Variants in SSH1 observed in about 807,000 individuals in gnomAD.
SSH1 encodes slingshot protein phosphatase 1.
Under a neutral mutation model 79.7 loss-of-function variants are expected in SSH1, and 43 were observed. The ratio of observed to expected loss-of-function variants is 0.54; its 90% CI spans 0.42 to 0.70. The LOEUF is 0.70. SSH1 is among the 30% of genes least tolerant of loss of function. SSH1 has a pLI of 0.00. For missense variants in SSH1, 1,206 were observed against 1,358.8 expected, an observed-to-expected ratio of 0.89 and a Z score of 1.77; for synonymous variants, 599 against 538.3, an observed-to-expected ratio of 1.11 and a Z score of -1.56.
At position 108,799,090 on chromosome 12, in the gene SSH1, T is replaced by G; in HGVS notation, c.1259A>C (p.Tyr420Ser). ...KEFGWPLEKA[Y>S]NYVKQKRSIT... ...GCTGCGCTTCTGCTTTACATAGTTA[T>G]ATGCTTTTTCCAGAGGCCAGCCGAA... Residue 420 changes from tyrosine (Y) to serine (S), a missense_variant, in exon 13 of 15, where the codon TAT becomes TCT. Physicochemically the swap from Tyr to Ser is moderately radical, Grantham distance 144 (BLOSUM62 -2). Transcript: ENST00000326495. 6.2e-7 allele frequency: 1 copy of G among 1,614,236 alleles called. No individual in the cohort carries two copies. The highest frequency in any genetic ancestry group is 8.5e-7 in the Non-Finnish European group (1 of 1,180,048).
rs146534259 is a variant in SSH1, at chr12:108,828,965, C to G, written c.111-5604G>C. Among the ~76,000 whole-genome samples the G allele has an allele frequency of 3.3e-3, 509 of 152,292 alleles. 2 individuals are homozygous for G. Among genetic ancestry groups the G allele is most frequent in the African/African-American group, 0.012 (484 of 41,562 alleles). Reference sequence around the variant, plus strand: ...ATGACAAACGAAGGAAGCCCGTCAACAATTCCAAAATAGAATCACCAGGGA... The same window carrying G: ...ATGACAAACGAAGGAAGCCCGTCAAGAATTCCAAAATAGAATCACCAGGGA... On this transcript the variant is annotated intron_variant, in intron 2 of 14. Coordinates refer to ENST00000326495, the MANE Select transcript of SSH1 (RefSeq NM_018984.4).
At chr12:108,791,496 A>G (rs943902302) in intron 14 of SSH1, among the ~76,000 whole-genome samples, 1 of 152,200 alleles carries the variant, frequency 6.6e-6, no homozygotes, top group African/African-American at 2.4e-5. Flanking sequence ...TCTGAGGCCA[A>G]GCGTGGTGAC....
chr12:108,787,939 G>A lies in SSH1; in HGVS notation c.*49C>T. 6.2e-7 allele frequency: 1 copy of A among 1,608,712 alleles called. No homozygotes were observed. The highest frequency in any genetic ancestry group is 8.5e-7 in the Non-Finnish European group (1 of 1,175,490). On this transcript the variant is annotated 3_prime_UTR_variant, in exon 15 of 15. Coordinates refer to ENST00000326495, the MANE Select transcript of SSH1 (RefSeq NM_018984.4). The stretch of plus-strand genomic sequence containing the variant: ...ATCCAAATCCACAGTGAAAGTGAGG[G>A]AGGGATCATATGAAAATATCCGCCC...
Position 108,800,767 on chromosome 12 carries a change from T to G in SSH1, c.1148+13A>C, listed in dbSNP as rs190531493. 5.4e-4 allele frequency: 863 copies of G among 1,611,900 alleles called. 1 individual carries two copies. The African/African-American group carries it at 0.011, about 21-fold the overall frequency. ...TTGGTTTCATCCTCAGCCCCGCCTC[T>G]CTGTCCACTTACTTCGCTTTGTTTA... On this transcript the variant is annotated intron_variant, in intron 12 of 14. Coordinates refer to ENST00000326495, the MANE Select transcript of SSH1 (RefSeq NM_018984.4).
intron 1 of SSH1, chr12:108,853,381 G>T: frequency 1.0e-6 from 1 of 983,056 alleles, no homozygotes; most frequent in Non-Finnish European, 1.2e-6. Context: ...AAATAAGAAG[G>T]AAACACATAC....
chr12:108,818,216 A>AT (rs761772191), intron 4 of SSH1, 33 bp downstream of exon 4: 5 of 1,605,308 alleles, frequency 3.1e-6, no homozygotes, highest in Admixed American at 1.7e-5. Flanking sequence ...TTAAAAAAAA[A>AT]TTTTTTAACT....
intron 2 of SSH1, among the ~76,000 whole-genome samples, chr12:108,844,759 A>G (rs1407845288): frequency 6.6e-6 from 1 of 152,208 alleles, no homozygotes; most frequent in Non-Finnish European, 1.5e-5. Context: ...CTACAGAAGC[A>G]GACTCTCCTG....
rs553757027 is a variant in SSH1 at position 108,816,869 on chromosome 12, A to AGG, written c.401+168_401+169insCC. On this transcript the variant is annotated intron_variant, in intron 5 of 14. Transcript: ENST00000326495. ...CTGGAGCTGGCACGGTGCCTGGCAC[A>AGG]GAGAGCTGAAATGGCACACCCTAGT... Among the ~76,000 whole-genome samples, 453 of 152,338 alleles carry AGG rather than the reference A, an allele frequency of 3.0e-3. 2 individuals carry two copies. The highest frequency in any genetic ancestry group is 0.01 in the African/African-American group (431 of 41,582).
At chr12:108,789,357 G>A (rs938443423) in intron 14 of SSH1, 113 bp from the exon 15 acceptor site, 2 of 1,105,546 alleles carry the variant, frequency 1.8e-6, no homozygotes, top group Non-Finnish European at 2.6e-6. Context: ...GCCAGGCCTG[G>A]AGGGGAGGCT....
intron 5 of SSH1, among the ~76,000 whole-genome samples, chr12:108,812,619 T>C (rs1192752024): frequency 1.3e-5 from 2 of 152,192 alleles, no homozygotes; most frequent in Non-Finnish European, 2.9e-5. Context: ...ATGTGGAACC[T>C]AAGCCCCTAG....
At chr12:108,801,082 T>G (rs1450463364) in intron 11 of SSH1, among the ~76,000 whole-genome samples, 156 bp from the exon 12 acceptor site, 1 of 152,184 alleles carries the variant, frequency 6.6e-6, no homozygotes, top group Non-Finnish European at 1.5e-5. Flanking sequence ...ATAGCTATGT[T>G]TTTTGGTATT....
chr12:108,801,494 A>G (rs969885923), intron 11 of SSH1, among the ~76,000 whole-genome samples: 2 of 152,236 alleles, frequency 1.3e-5, no homozygotes, highest in African/African-American at 4.8e-5. Flanking sequence ...AATAGGTTTC[A>G]TAATATTTAG....
Position 108,785,016 on chromosome 12 carries a change from G to A in SSH1, c.*2972C>T, listed in dbSNP as rs572142409. Reference sequence around the variant, plus strand: ...GCATACAAAGCAAGGGCCAAGCTATGGCATATGTTACAGTGCAAACTTCCT... The same window carrying A: ...GCATACAAAGCAAGGGCCAAGCTATAGCATATGTTACAGTGCAAACTTCCT... On this transcript the variant is annotated 3_prime_UTR_variant, in exon 15 of 15. Transcript: ENST00000326495. The A allele has an allele frequency of 1.3e-5, 2 of 152,332 alleles. No individual in the cohort carries two copies. The highest frequency in any genetic ancestry group is 4.8e-5 in the African/African-American group (2 of 41,556). The allele number at this position is 152,332 out of a possible 1,614,324, so 9.4% of individuals were successfully genotyped here.
chr12:108,839,424 G>A (rs977101862), intron 2 of SSH1, among the ~76,000 whole-genome samples: 1 of 152,188 alleles, frequency 6.6e-6, no homozygotes, highest in African/African-American at 2.4e-5. Context: ...CTGGGGAAGT[G>A]ACAAGTGATT....
intron 2 of SSH1, among the ~76,000 whole-genome samples, chr12:108,840,541 A>G (rs1322470118): frequency 6.6e-6 from 1 of 150,580 alleles, no homozygotes; most frequent in East Asian, 1.9e-4. Flanking sequence ...AAAAAAAAGA[A>G]AAAAAAAAAG....
intron 1 of SSH1, among the ~76,000 whole-genome samples, chr12:108,853,544 G>A (rs913058058): frequency 6.6e-6 from 1 of 152,070 alleles, no homozygotes; most frequent in African/African-American, 2.4e-5. Flanking sequence ...AGGAGCCAAG[G>A]GCGAAGGAAA....
rs1260656021 is a variant in SSH1, at chr12:108,783,488, TCTC to T, written c.*4497_*4499del. On this transcript the variant is annotated 3_prime_UTR_variant, in exon 15 of 15. Transcript: ENST00000326495. Reference sequence around the variant, plus strand: ...GAAAAGAGGGAGGAAGCAGCTATCTTCTCATGCAGCAAGGCCGACAGGAAGGAC... The same window carrying T: ...GAAAAGAGGGAGGAAGCAGCTATCTTATGCAGCAAGGCCGACAGGAAGGAC... 1.3e-5 allele frequency: 2 copies of T among 152,204 alleles called. No individual in the cohort carries two copies. Among genetic ancestry groups the T allele is most frequent in the African/African-American group, 4.8e-5 (2 of 41,442 alleles). 9.4% of individuals were successfully genotyped at this position (152,204 alleles called of 1,614,324 possible). A position where few individuals can be genotyped will look rare whatever the true frequency, so the allele number is the denominator to read the frequency against.
At position 108,789,187 on chromosome 12, in the gene SSH1, C is replaced by T. The variant is rs769862547; in HGVS notation, c.1951G>A (p.Asp651Asn). ...CCGCTGGCTGTAGGGTACATGCAGT[C>T]GGCACAGGATTTATAGGAAGGCTTC... ...KVKPSYKSCA[D>N]CMYPTASGAP... Residue 651 changes from aspartate (D) to asparagine (N), a missense_variant, in exon 15 of 15, where the codon GAC becomes AAC. By Grantham distance (23) the Asp-to-Asn change is conservative (BLOSUM62 1). Transcript: ENST00000326495. 1.6e-5 allele frequency: 25 copies of T among 1,609,292 alleles called. No homozygotes were observed. The highest frequency in any genetic ancestry group is 2.0e-5 in the Non-Finnish European group (24 of 1,177,718).
At chr12:108,795,752 T>TG (rs1317729177) in intron 13 of SSH1, among the ~76,000 whole-genome samples, 1 of 151,872 alleles carries the variant, frequency 6.6e-6, no homozygotes, top group Non-Finnish European at 1.5e-5. Context: ...CCCAGCTGTT[T>TG]GGGGGGCTGA....
Sources: gnomAD v4.1 joint callset for allele counts (sites outside exome capture counted in the v4.1 genomes callset) on GRCh38, gnomAD v4.1.1 for gene constraint, MANE v1.5 for transcripts, NCBI Gene and HGNC (gene_info 2026-07-23, HGNC 2026-07-21) for gene names.